The following HS3ST5 variants were observed in gnomAD, a reference collection of about 807,000 sequenced individuals.
HS3ST5 encodes heparan sulfate-glucosamine 3-sulfotransferase 5, also known as heparan sulfate glucosamine 3-O-sulfotransferase 5.
HS3ST5 carries 10 observed loss-of-function variants against 25.4 expected under a neutral mutation model. That is an observed-to-expected ratio of 0.39 (90% CI 0.24 to 0.67). The LOEUF (loss-of-function observed/expected upper bound fraction) is 0.67. HS3ST5 is among the 30% of genes least tolerant of loss of function. HS3ST5 has a pLI of 0.44. For synonymous variants in HS3ST5, 170 were observed against 162.4 expected, an observed-to-expected ratio of 1.05 and a Z score of -0.36; for missense variants, 324 against 420.7, an observed-to-expected ratio of 0.77 and a Z score of 2.01.
At chr6:114,314,370 C>T (rs1007175792) in intron 1 of HS3ST5, among the ~76,000 whole-genome samples, 6 of 152,192 alleles carry the variant, frequency 3.9e-5, no homozygotes, top group Non-Finnish European at 7.3e-5. Context: ...ACAAATGATT[C>T]CTAAGCTAAG....
intron 3 of HS3ST5, chr6:114,084,933 G>A: frequency 2.1e-6 from 1 of 471,408 alleles, no homozygotes; most frequent in Non-Finnish European, 3.8e-6. Flanking sequence ...CCGGGTTCAA[G>A]CGATTCCCCT....
chr6:114,117,626 T>G, intron 3 of HS3ST5, among the ~76,000 whole-genome samples: 1 of 152,310 alleles, frequency 6.6e-6, no homozygotes, highest in South Asian at 2.1e-4. Context: ...CCAATCTAAC[T>G]TCTTCCTAGA....
At chr6:114,287,006 T>A (rs2114760609) in intron 1 of HS3ST5, among the ~76,000 whole-genome samples, 1 of 152,112 alleles carries the variant, frequency 6.6e-6, no homozygotes, top group East Asian at 1.9e-4. Context: ...ATGTTAAAGA[T>A]AACTGAAGTT....
At chr6:114,109,272 G>GTA (rs10660032) in intron 3 of HS3ST5, among the ~76,000 whole-genome samples, 68,993 of 150,324 alleles carry the variant, frequency 0.46, 16,458 homozygotes, top group Middle Eastern at 0.58. Context: ...ATGTGTGTGT[G>GTA]TATATATATA....
intron 3 of HS3ST5, among the ~76,000 whole-genome samples, chr6:114,089,292 T>G (rs749698163): frequency 3.0e-4 from 45 of 152,326 alleles, no homozygotes; most frequent in Admixed American, 8.5e-4. Context: ...CATATGTGGA[T>G]TCACAATAGT....
At chr6:114,179,442 A>C (rs1204583177) in intron 2 of HS3ST5, among the ~76,000 whole-genome samples, 2 of 152,164 alleles carry the variant, frequency 1.3e-5, no homozygotes, top group East Asian at 3.9e-4. Flanking sequence ...CTGTGGTAGG[A>C]TTCATAAAGT....
chr6:114,149,068 AAGTC>A (rs1470037361), intron 3 of HS3ST5, among the ~76,000 whole-genome samples: 1 of 152,238 alleles, frequency 6.6e-6, no homozygotes. Flanking sequence ...GATTATTAAA[AAGTC>A]AGGAAACAAC....
intron 3 of HS3ST5, among the ~76,000 whole-genome samples, chr6:114,127,839 A>AAT (rs375936050): frequency 0.022 from 3,229 of 149,042 alleles, 62 homozygotes; most frequent in Non-Finnish European, 0.03. Flanking sequence ...AAAAAGGACA[A>AAT]ATATATATAT....
At chr6:114,282,581 C>T (rs1055100732) in intron 1 of HS3ST5, among the ~76,000 whole-genome samples, 1 of 151,994 alleles carries the variant, frequency 6.6e-6, no homozygotes, top group Non-Finnish European at 1.5e-5. Flanking sequence ...AAGCCTCTTC[C>T]TGTGGTTTGA....
rs556180652 is a variant in HS3ST5 at position 114,181,640 on chromosome 6, T to C, written c.-144-13178A>G. 3.7e-4 allele frequency among the ~76,000 whole-genome samples: 57 copies of C among 152,330 alleles called. 1 individual carries two copies. In the South Asian group the frequency reaches 0.011, roughly 28 times the overall value. The stretch of plus-strand genomic sequence containing the variant: ...ACAACAGCCTTGTTCTCTAACCTTG[T>C]ATTAAGCTGCTATTGGTGTGGTAGG... On this transcript the variant is annotated intron_variant, in intron 2 of 4. Coordinates refer to ENST00000312719, the MANE Select transcript of HS3ST5 (RefSeq NM_153612.4).
At chr6:114,105,959 T>C (rs1328442376) in intron 3 of HS3ST5, among the ~76,000 whole-genome samples, 4 of 152,178 alleles carry the variant, frequency 2.6e-5, no homozygotes. Context: ...CTTGTGGCAT[T>C]AGTGAAATTT....
chr6:114,075,767 C>T (rs1774087908), intron 3 of HS3ST5, among the ~76,000 whole-genome samples: 1 of 152,184 alleles, frequency 6.6e-6, no homozygotes, highest in South Asian at 2.1e-4. Flanking sequence ...ACTGTCTTAA[C>T]TCCATCACAC....
chr6:114,132,121 C>T (rs1554211716), intron 3 of HS3ST5: 1 of 152,000 alleles, frequency 6.6e-6, no homozygotes, highest in Non-Finnish European at 1.5e-5. Flanking sequence ...AAACTGGTGC[C>T]AAAAGTGACA....
intron 3 of HS3ST5, among the ~76,000 whole-genome samples, chr6:114,154,199 G>A (rs1301373262): frequency 6.6e-6 from 1 of 152,194 alleles, no homozygotes; most frequent in Non-Finnish European, 1.5e-5. Context: ...GGCCAGCTCT[G>A]ACTTTTTGCA....
At chr6:114,339,478 A>T (rs1439810511) in intron 1 of HS3ST5, among the ~76,000 whole-genome samples, 1 of 152,124 alleles carries the variant, frequency 6.6e-6, no homozygotes, top group Non-Finnish European at 1.5e-5. Context: ...TTGCTTTTTT[A>T]AAAAACGTTA....
At chr6:114,075,725 C>T (rs1262785590) in intron 3 of HS3ST5, among the ~76,000 whole-genome samples, 1 of 152,140 alleles carries the variant, frequency 6.6e-6, no homozygotes, top group Non-Finnish European at 1.5e-5. Flanking sequence ...TACCTCCTTT[C>T]TTCTTCAGAT....
intron 2 of HS3ST5, among the ~76,000 whole-genome samples, chr6:114,196,609 T>C (rs936931615): frequency 6.6e-6 from 1 of 151,734 alleles, no homozygotes; most frequent in Non-Finnish European, 1.5e-5. Flanking sequence ...TAAAACTCAA[T>C]TATTAGCATC....
At chr6:114,115,276 T>C (rs1248525762) in intron 3 of HS3ST5, among the ~76,000 whole-genome samples, 1 of 152,088 alleles carries the variant, frequency 6.6e-6, no homozygotes, top group Non-Finnish European at 1.5e-5. Flanking sequence ...AAGTCTCTCA[T>C]AGACACATTT....
chr6:114,119,835 C>T (rs779145689), intron 3 of HS3ST5, among the ~76,000 whole-genome samples: 73 of 152,220 alleles, frequency 4.8e-4, no homozygotes, highest in Non-Finnish European at 8.1e-4. Context: ...AAGAGGACAT[C>T]GGTCCTGCCC....
Sources: allele counts gnomAD v4.1 joint callset (sites outside exome capture counted in the v4.1 genomes callset), GRCh38; gene constraint gnomAD v4.1.1; transcripts MANE v1.5; gene names NCBI Gene and HGNC (gene_info 2026-07-23, HGNC 2026-07-21).